CSK: variants seen among roughly 807,000 people sequenced by gnomAD.
The protein encoded by CSK is tyrosine-protein kinase CSK.
Under a neutral mutation model 62.3 loss-of-function variants are expected in CSK, and 7 were observed. The observed-to-expected ratio is 0.11, with a 90% confidence interval of 0.06 to 0.21. CSK has a LOEUF of 0.21. Ranked by LOEUF, CSK falls within the 10% of genes least tolerant of loss-of-function variation. CSK has a pLI of 1.00. For missense variants in CSK, 294 were observed against 613.5 expected (o/e 0.48, Z 5.50); for synonymous variants, 237 against 246.0 (o/e 0.96, Z 0.34).
At position 74,800,679 on chromosome 15, in the gene CSK, A is replaced by G; in HGVS notation, c.557-2A>G. The G allele has an allele frequency of 6.5e-7, 1 of 1,545,760 alleles. No homozygotes were observed. The highest frequency in any genetic ancestry group is 1.2e-5 in the South Asian group (1 of 83,672). On this transcript the variant is annotated splice_acceptor_variant, in intron 6 of 12. Coordinates refer to ENST00000220003, the MANE Select transcript of CSK (RefSeq NM_004383.3). LOFTEE classifies it high-confidence loss of function. ...CAGGCCCTCACTGGCCCCTCCCCACAGGCGGCTGGGCCCTGAACATGAAGG... is the reference window on the plus strand; with the variant it reads ...CAGGCCCTCACTGGCCCCTCCCCACGGGCGGCTGGGCCCTGAACATGAAGG...
At chr15:74,797,810 G>A (rs1452630006) in intron 1 of CSK, 1 of 155,172 alleles carries the variant, frequency 6.4e-6, no homozygotes. Context: ...TGCTACCTGG[G>A]CGGGATTTTG....
At chr15:74,793,247 AGGTG>A (rs1458251895) in intron 1 of CSK, 4 of 152,400 alleles carry the variant, frequency 2.6e-5, no homozygotes, top group African/African-American at 9.7e-5. Context: ...AGCAGAGTAA[AGGTG>A]ATGAGTTTAG....
intron 1 of CSK, among the ~76,000 whole-genome samples, chr15:74,786,042 T>TGTGTGTGTGTGTGTGTGTGTGTGTGA (rs1316590295): frequency 7.0e-5 from 8 of 114,900 alleles, no homozygotes; most frequent in Middle Eastern, 5.1e-3. Context: ...TGTGTGTGTG[T>TGTGTGTGTGTGTGTGTGTGTGTGTGA]GAGATGGAGT....
chr15:74,796,869 T>C (rs72730506), intron 1 of CSK, among the ~76,000 whole-genome samples: 337 of 152,310 alleles, frequency 2.2e-3, no homozygotes, highest in Non-Finnish European at 2.6e-3. Flanking sequence ...ATTTTGAACT[T>C]TATTCAAATG....
rs201705144 is a variant in CSK at position 74,800,400 on chromosome 15, C to T, written c.463-12C>T. 2 of 1,612,888 alleles carry T rather than the reference C, an allele frequency of 1.2e-6. No individual in the cohort carries two copies. Among genetic ancestry groups the T allele is most frequent in the East Asian group, 2.2e-5 (1 of 44,856 alleles). On this transcript the variant is annotated splice_polypyrimidine_tract_variant and intron_variant, in intron 5 of 12. Transcript: ENST00000220003. ...GGCTGTCTCTGAGCACCCTGCCCCC[C>T]ACACCCTGCAGCACTACACCTCAGA...
At chr15:74,800,256 C>G (rs2063767862) in intron 5 of CSK, among the ~76,000 whole-genome samples, 156 bp from the exon 6 acceptor site, 1 of 152,202 alleles carries the variant, frequency 6.6e-6, no homozygotes, top group African/African-American at 2.4e-5. Context: ...TGGGACTTCC[C>G]TAACCCCTGC....
chr15:74,786,002 C>T (rs56228306), intron 1 of CSK, among the ~76,000 whole-genome samples: 26,920 of 70,138 alleles, frequency 0.38, 8,200 homozygotes, highest in Non-Finnish European at 0.58. Context: ...CTCTCTCTCT[C>T]TTTTTTTTTT....
intron 5 of CSK, 73 bp downstream of exon 5, chr15:74,799,564 C>A: frequency 6.9e-7 from 1 of 1,457,232 alleles, no homozygotes; most frequent in Non-Finnish European, 9.4e-7. Context: ...TGGCTTCTAG[C>A]TCCAGCCCCA....
At chr15:74,790,194 C>G (rs1362283089) in intron 1 of CSK, among the ~76,000 whole-genome samples, 1 of 152,226 alleles carries the variant, frequency 6.6e-6, no homozygotes, top group Admixed American at 6.5e-5. Context: ...CCTGAGTTCC[C>G]CCAGGTCTTT....
At chr15:74,790,748 A>T (rs2063607768) in intron 1 of CSK, 1 of 152,124 alleles carries the variant, frequency 6.6e-6, no homozygotes, top group East Asian at 1.9e-4. Context: ...TTCAGCACTC[A>T]TTTACTGAGC....
Position 74,802,553 on chromosome 15 carries a change from AACCTGGAAG to A in CSK, c.*42_*50del, listed in dbSNP as rs1771109567. The A allele has an allele frequency of 1.3e-6, 2 of 1,596,558 alleles. No individual in the cohort carries two copies. ...CTGGGTCATGGGCCTGTGGGGACTGAACCTGGAAGATCATGGACCTGGTGCCCCTGCTCA... is the reference window on the plus strand; with the variant it reads ...CTGGGTCATGGGCCTGTGGGGACTGAATCATGGACCTGGTGCCCCTGCTCA... On this transcript the variant is annotated 3_prime_UTR_variant, in exon 13 of 13. Transcript: ENST00000220003.
chr15:74,795,413 A>G (rs990997689), intron 1 of CSK, among the ~76,000 whole-genome samples: 1 of 152,210 alleles, frequency 6.6e-6, no homozygotes, highest in Non-Finnish European at 1.5e-5. Context: ...CTGTCAGCCT[A>G]GCCCCCAGAC....
Position 74,800,451 on chromosome 15 carries a change from A to C in CSK, c.502A>C (p.Ile168Leu). 1 of 1,614,108 alleles carries C rather than the reference A, an allele frequency of 6.2e-7. No homozygotes were observed. Among genetic ancestry groups the C allele is most frequent in the Non-Finnish European group, 8.5e-7 (1 of 1,180,008 alleles). ...CGCAGATGGACTCTGTACGCGCCTC[A>C]TTAAACCAAAGGTCATGGAGGGCAC... is the stretch of plus-strand genomic sequence containing the variant. ...SDADGLCTRLIKPKVMEGTVA... is the reference protein window; with the variant it reads ...SDADGLCTRLLKPKVMEGTVA... Residue 168 changes from isoleucine to leucine, a missense_variant, in exon 6 of 13, where the codon ATT becomes CTT. Around this residue, in one of 3 missense-constraint regions of CSK, gnomAD observed 202 missense variants for 415.7 expected, o/e 0.49. Transcript: ENST00000220003.
chr15:74,801,244 C>G, intron 9 of CSK, 142 bp downstream of exon 9: 4 of 886,562 alleles, frequency 4.5e-6, no homozygotes, highest in Non-Finnish European at 7.0e-6. Context: ...CCTGGTTTAC[C>G]ATTCATTGAC....
intron 5 of CSK, 84 bp downstream of exon 5, chr15:74,799,575 C>CGCAGAAGCAG: frequency 2.2e-6 from 3 of 1,390,312 alleles, no homozygotes; most frequent in Non-Finnish European, 3.0e-6. Flanking sequence ...TCCAGCCCCA[C>CGCAGAAGCAG]TGCTTCTGCG....
chr15:74,800,350 T>C lies in CSK; in HGVS notation c.463-62T>C, dbSNP rs34029216. On this transcript the variant is annotated intron_variant, in intron 5 of 12. Transcript: ENST00000220003. The stretch of plus-strand genomic sequence containing the variant: ...TCTGCCGCCCTCTGGTGGTCAGGCC[T>C]GGACGGTGCATATGGGGCACCTTGG... 1.0e-3 allele frequency: 1,489 copies of C among 1,484,094 alleles called. 12 individuals carry two copies. In the African/African-American group the frequency reaches 0.018, roughly 17 times the overall value. 91.9% of individuals were successfully genotyped at this position (1,484,094 alleles called of 1,614,324 possible).
chr15:74,799,226 T>C, intron 4 of CSK, 46 bp from the exon 5 acceptor site: 1 of 1,565,246 alleles, frequency 6.4e-7, no homozygotes, highest in Non-Finnish European at 8.7e-7. Flanking sequence ...GGAGCCAGGG[T>C]CAGTACCTTT....
intron 1 of CSK, among the ~76,000 whole-genome samples, chr15:74,797,358 C>A (rs2063722428): frequency 2.0e-5 from 3 of 152,120 alleles, no homozygotes; most frequent in Admixed American, 2.0e-4. Flanking sequence ...GAGTTCGAGA[C>A]CAGCCTGGCC....
At chr15:74,800,034 A>G (rs2063764553) in intron 5 of CSK, among the ~76,000 whole-genome samples, 1 of 152,060 alleles carries the variant, frequency 6.6e-6, no homozygotes, top group Non-Finnish European at 1.5e-5. Flanking sequence ...GTCCCTCTGT[A>G]TTCACTCTTA....
Sources: gnomAD v4.1 joint callset for allele counts (sites outside exome capture counted in the v4.1 genomes callset) on GRCh38, gnomAD v4.1.1 for gene constraint, gnomAD v4.1.1 regional missense constraint, MANE v1.5 for transcripts, NCBI Gene and HGNC (gene_info 2026-07-23, HGNC 2026-07-21) for gene names.